Variants in DGKG observed in about 807,000 individuals in gnomAD.
The protein encoded by DGKG is diacylglycerol kinase gamma, also known as DAG kinase gamma.
In DGKG, 78 loss-of-function variants were observed where a neutral mutation model predicts 105.3. The ratio of observed to expected loss-of-function variants is 0.74; its 90% CI spans 0.62 to 0.89. DGKG has a LOEUF of 0.89. DGKG is among the 40% of genes least tolerant of loss of function. The probability of loss-of-function intolerance (pLI) is 0.00; values close to 1 mark genes in which losing one functional copy is unlikely to be tolerated. For missense variants in DGKG, 958 were observed against 1,020.1 expected, an observed-to-expected ratio of 0.94 and a Z score of 0.83; for synonymous variants, 346 against 367.1, an observed-to-expected ratio of 0.94 and a Z score of 0.66.
intron 2 of DGKG, among the ~76,000 whole-genome samples, chr3:186,315,332 C>T (rs1213856300): frequency 2.0e-5 from 3 of 152,168 alleles, no homozygotes; most frequent in Non-Finnish European, 4.4e-5. Context: ...AACTACACAC[C>T]TCTTCCCACA....
rs183717818 is a variant in DGKG, at chr3:186,160,471, G to A, written c.2277+1132C>T. 7.8e-5 allele frequency: 77 copies of A among 985,348 alleles called. 1 individual carries two copies. In the East Asian group the frequency reaches 7.7e-3, roughly 99 times the overall value. 61.0% of individuals were successfully genotyped at this position (985,348 alleles called of 1,614,324 possible). A position where few individuals can be genotyped will look rare whatever the true frequency, so the allele number is the denominator to read the frequency against. ...AGGTGGAAAGCTATTATTTGATATAGTGTGTTTTCATTTTTTTCTTGGTCT... is the reference window on the plus strand; with the variant it reads ...AGGTGGAAAGCTATTATTTGATATAATGTGTTTTCATTTTTTTCTTGGTCT... On this transcript the variant is annotated intron_variant, in intron 24 of 24. Coordinates refer to ENST00000265022, the MANE Select transcript of DGKG (RefSeq NM_001346.3).
chr3:186,259,526 G>C (rs1721651039), intron 16 of DGKG, among the ~76,000 whole-genome samples: 1 of 152,194 alleles, frequency 6.6e-6, no homozygotes, highest in Admixed American at 6.5e-5. Context: ...ATAAACAATA[G>C]CTTTGGTGTC....
chr3:186,270,057 C>G (rs1001339776), intron 11 of DGKG, among the ~76,000 whole-genome samples: 3 of 152,176 alleles, frequency 2.0e-5, no homozygotes, highest in Admixed American at 6.5e-5. Context: ...CCTGAAGTGC[C>G]TAGCCACAAG....
intron 10 of DGKG, among the ~76,000 whole-genome samples, chr3:186,275,254 C>A (rs533234024): frequency 5.3e-5 from 8 of 152,158 alleles, no homozygotes; most frequent in Non-Finnish European, 1.5e-5. Context: ...GAAAACCCAA[C>A]TAAAAGTAGT....
intron 1 of DGKG, among the ~76,000 whole-genome samples, chr3:186,337,316 T>C (rs898632224): frequency 6.6e-6 from 1 of 152,096 alleles, no homozygotes; most frequent in Non-Finnish European, 1.5e-5. Flanking sequence ...CCTATCAATA[T>C]ACTATATTAA....
intron 5 of DGKG, 114 bp downstream of exon 5, chr3:186,297,307 G>T: frequency 1.2e-6 from 1 of 801,896 alleles, no homozygotes. Flanking sequence ...GACCAGATCT[G>T]CATAAGATTG....
chr3:186,220,850 T>C (rs1432389052), intron 20 of DGKG, among the ~76,000 whole-genome samples: 1 of 152,180 alleles, frequency 6.6e-6, no homozygotes. Flanking sequence ...TTCTCTTCCA[T>C]ATAAGACAGT....
chr3:186,311,674 C>T (rs926602566), intron 2 of DGKG, among the ~76,000 whole-genome samples: 2 of 152,178 alleles, frequency 1.3e-5, no homozygotes, highest in Non-Finnish European at 2.9e-5. Flanking sequence ...TGGCCCTACA[C>T]ACAGACACCT....
At chr3:186,347,945 C>T (rs1239443911) in intron 1 of DGKG, among the ~76,000 whole-genome samples, 1 of 152,124 alleles carries the variant, frequency 6.6e-6, no homozygotes, top group East Asian at 1.9e-4. Context: ...TGAAGTTAAG[C>T]ATGGTATTTC....
chr3:186,195,297 C>CA (rs67445617), intron 21 of DGKG, among the ~76,000 whole-genome samples: 3 of 151,424 alleles, frequency 2.0e-5, no homozygotes, highest in Admixed American at 1.3e-4. Flanking sequence ...AAAAACAAAA[C>CA]AAAAAAACAA....
intron 15 of DGKG, among the ~76,000 whole-genome samples, 184 bp from the exon 16 acceptor site, chr3:186,260,697 C>T (rs563729411): frequency 4.6e-4 from 70 of 152,304 alleles, no homozygotes; most frequent in Non-Finnish European, 1.9e-4. Context: ...TGGCATCACC[C>T]GTGTTATCAC....
At chr3:186,215,217 C>T (rs1719219406) in intron 20 of DGKG, among the ~76,000 whole-genome samples, 1 of 152,054 alleles carries the variant, frequency 6.6e-6, no homozygotes, top group African/African-American at 2.4e-5. Context: ...TCGAGACCCG[C>T]CTGGCCAACA....
intron 21 of DGKG, among the ~76,000 whole-genome samples, chr3:186,206,605 G>A (rs939742166): frequency 5.3e-5 from 8 of 151,958 alleles, no homozygotes; most frequent in African/African-American, 1.9e-4. Context: ...CCCCCCACCT[G>A]CTTAATCAGG....
At chr3:186,218,110 C>T (rs1298867157) in intron 20 of DGKG, among the ~76,000 whole-genome samples, 1 of 152,108 alleles carries the variant, frequency 6.6e-6, no homozygotes, top group Non-Finnish European at 1.5e-5. Flanking sequence ...GCTGCACCAG[C>T]GGGCAGAGCT....
intron 10 of DGKG, among the ~76,000 whole-genome samples, chr3:186,273,268 C>T (rs536493177): frequency 8.6e-5 from 13 of 151,572 alleles, no homozygotes; most frequent in Non-Finnish European, 1.2e-4. Context: ...ATGTGAACAG[C>T]AGAGGCCCAC....
chr3:186,305,748 G>T (rs1715302426), intron 3 of DGKG, among the ~76,000 whole-genome samples: 1 of 152,158 alleles, frequency 6.6e-6, no homozygotes, highest in African/African-American at 2.4e-5. Flanking sequence ...GATACATTTT[G>T]AAGGTAGATC....
At chr3:186,356,429 T>C (rs528696067) in intron 1 of DGKG, among the ~76,000 whole-genome samples, 1 of 152,094 alleles carries the variant, frequency 6.6e-6, no homozygotes, top group African/African-American at 2.4e-5. Context: ...TGTGGGCAAG[T>C]ATCGGGTGAA....
Position 186,149,203 on chromosome 3 carries a change from G to A in DGKG, c.*887C>T, listed in dbSNP as rs905500095. On this transcript the variant is annotated 3_prime_UTR_variant, in exon 25 of 25. Coordinates refer to ENST00000265022, the MANE Select transcript of DGKG (RefSeq NM_001346.3). The stretch of plus-strand genomic sequence containing the variant: ...GGCTTGGAACTCAAACAGGAAACAC[G>A]CTTTGGCTTGAAAAAGAAAGAAGCT... The A allele has an allele frequency of 9.1e-6, 9 of 983,968 alleles. No individual in the cohort carries two copies. The African/African-American group carries it at 1.2e-4, about 13-fold the overall frequency. The allele number at this position is 983,968 out of a possible 1,614,324, so 61.0% of individuals were successfully genotyped here.
At position 186,298,177 on chromosome 3, in the gene DGKG, T is replaced by C. The variant is rs771032072; in HGVS notation, c.197A>G (p.Asp66Gly). Reference sequence around the variant, plus strand: ...GTGAGTGCTCAGTGGCTGGGGAAGGTCCACCTCCAGGTACGCCCTCATGAA... The same window carrying C: ...GTGAGTGCTCAGTGGCTGGGGAAGGCCCACCTCCAGGTACGCCCTCATGAA... The part of the protein sequence containing the change: ...KLFMRAYLEV[D>G]LPQPLSTHLF... Residue 66 changes from aspartate to glycine, a missense_variant, in exon 4 of 25, where the codon GAC (aspartate) becomes GGC (glycine). Coordinates refer to ENST00000265022, the MANE Select transcript of DGKG (RefSeq NM_001346.3). 6.2e-7 allele frequency: 1 copy of C among 1,613,632 alleles called. No individual in the cohort carries two copies. Among genetic ancestry groups the C allele is most frequent in the Non-Finnish European group, 8.5e-7 (1 of 1,179,840 alleles).
Sources: allele counts gnomAD v4.1 joint callset (sites outside exome capture counted in the v4.1 genomes callset), GRCh38; gene constraint gnomAD v4.1.1; transcripts MANE v1.5; gene names NCBI Gene and HGNC (gene_info 2026-07-23, HGNC 2026-07-21).